UQCRB: variants seen among roughly 807,000 people sequenced by gnomAD.
UQCRB encodes cytochrome b-c1 complex subunit 7.
UQCRB carries 12 observed loss-of-function variants against 19.8 expected under a neutral mutation model. The observed-to-expected ratio is 0.61, with a 90% CI of 0.39 to 0.98. The LOEUF (loss-of-function observed/expected upper bound fraction) is 0.98, where lower values mean the gene tolerates loss of function less well. UQCRB is among the 50% of genes least tolerant of loss of function. UQCRB has a pLI of 0.00. For synonymous variants in UQCRB, 39 were observed against 42.9 expected (o/e 0.91, Z 0.35); for missense variants, 142 against 131.8 (o/e 1.08, Z -0.38).
Position 96,235,195 on chromosome 8 carries a change from C to G in UQCRB, c.19+317G>C, listed in dbSNP as rs950304833. 3 of 527,798 alleles carry G rather than the reference C, an allele frequency of 5.7e-6. No individual in the cohort carries two copies. The Admixed American group carries it at 9.5e-5, about 17-fold the overall frequency. The allele number at this position is 527,798 out of a possible 1,614,324, so 32.7% of individuals were successfully genotyped here. On this transcript the variant is annotated intron_variant, in intron 1 of 3. Coordinates refer to ENST00000287022, the MANE Select transcript of UQCRB (RefSeq NM_006294.5). The stretch of plus-strand genomic sequence containing the variant: ...GGGTTGAAAGTCATCCACTAGTTAT[C>G]CTCTTGTGCCCTTTAACTTTTCTAA...
In UQCRB at chr8:96,229,722, A is replaced by T. The variant is rs1381704295; in HGVS notation, c.*1333T>A. 1 of 453,786 alleles carries T rather than the reference A, an allele frequency of 2.2e-6. No homozygotes were observed. The highest frequency in any genetic ancestry group is 2.4e-5 in the Admixed American group (1 of 42,532). The allele number at this position is 453,786 out of a possible 1,614,324, so 28.1% of individuals were successfully genotyped here. A position where few individuals can be genotyped will look rare whatever the true frequency, so the allele number is the denominator to read the frequency against. Reference sequence around the variant, plus strand: ...TCTTCAACCATACAAAAGAAAATTGACATGATTTCAGGATAGGTTTAGAAA... The same window carrying T: ...TCTTCAACCATACAAAAGAAAATTGTCATGATTTCAGGATAGGTTTAGAAA... On this transcript the variant is annotated 3_prime_UTR_variant, in exon 4 of 4. Coordinates refer to ENST00000287022, the MANE Select transcript of UQCRB (RefSeq NM_006294.5).
At chr8:96,233,441 T>A (rs1809723934) in intron 1 of UQCRB, 1 of 525,898 alleles carries the variant, frequency 1.9e-6, no homozygotes, top group Admixed American at 3.5e-5. Flanking sequence ...TGATAAAAAG[T>A]GCTTATTTTA....
In UQCRB at chr8:96,229,043, T is replaced by C. The variant is rs1441687405; in HGVS notation, c.*2012A>G. ...TGAGCCAAATACTAGATCTACTTTC[T>C]TAGTCTTCATAACAAGCAGGACGAT... On this transcript the variant is annotated 3_prime_UTR_variant, in exon 4 of 4. Coordinates refer to ENST00000287022, the MANE Select transcript of UQCRB (RefSeq NM_006294.5). The C allele has an allele frequency of 2.2e-6, 1 of 454,126 alleles. No individual in the cohort carries two copies. 28.1% of individuals were successfully genotyped at this position (454,126 alleles called of 1,614,324 possible). A position where few individuals can be genotyped will look rare whatever the true frequency, so the allele number is the denominator to read the frequency against.
intron 1 of UQCRB, 39 bp downstream of exon 1, chr8:96,235,473 G>A (rs1354964452): frequency 6.2e-7 from 1 of 1,614,172 alleles, no homozygotes; most frequent in African/African-American, 1.3e-5. Context: ...AAACGGTGAA[G>A]CGCGACGATG....
At position 96,228,786 on chromosome 8, in the gene UQCRB, A is replaced by C. The variant is rs559792281; in HGVS notation, c.*2269T>G. ...TGAGCAAATAGATTCAGACCTGTGCAGTCTAACCCAGAATTAGCTCTGAAT... is the reference window on the plus strand; with the variant it reads ...TGAGCAAATAGATTCAGACCTGTGCCGTCTAACCCAGAATTAGCTCTGAAT... On this transcript the variant is annotated 3_prime_UTR_variant, in exon 4 of 4. Coordinates refer to ENST00000287022, the MANE Select transcript of UQCRB (RefSeq NM_006294.5). 4 of 454,130 alleles carry C rather than the reference A, an allele frequency of 8.8e-6. No homozygotes were observed. The highest frequency in any genetic ancestry group is 1.8e-5 in the Non-Finnish European group (4 of 226,796). 28.1% of individuals were successfully genotyped at this position (454,130 alleles called of 1,614,324 possible). A position where few individuals can be genotyped will look rare whatever the true frequency, so the allele number is the denominator to read the frequency against.
chr8:96,230,949 C>T lies in UQCRB; in HGVS notation c.*106G>A. ...CAAAAACTCCAGCCATTACAATAGA[C>T]ATTTATTTAAAGTAAAACATCTTCA... On this transcript the variant is annotated 3_prime_UTR_variant, in exon 4 of 4. Transcript: ENST00000287022. 2 of 1,178,584 alleles carry T rather than the reference C, an allele frequency of 1.7e-6. No individual in the cohort carries two copies. Among genetic ancestry groups the T allele is most frequent in the Admixed American group, 1.7e-5 (1 of 58,360 alleles). 73.0% of individuals were successfully genotyped at this position (1,178,584 alleles called of 1,614,324 possible).
At chr8:96,233,110 G>C (rs774198353) in intron 2 of UQCRB, 46 bp downstream of exon 2, 8 of 1,520,072 alleles carry the variant, frequency 5.3e-6, no homozygotes, top group Non-Finnish European at 7.2e-6. Context: ...AAAAAACAAA[G>C]AAACAACAAC....
chr8:96,235,346 A>G (rs964132764), intron 1 of UQCRB, 166 bp downstream of exon 1: 2 of 1,040,318 alleles, frequency 1.9e-6, no homozygotes, highest in Non-Finnish European at 3.0e-6. Context: ...CCCTGGGGAC[A>G]GCAAACGAGT....
chr8:96,233,472 C>T, intron 1 of UQCRB: 1 of 466,606 alleles, frequency 2.1e-6, no homozygotes, highest in Non-Finnish European at 3.8e-6. Context: ...AAAGTGGTTG[C>T]AGGAAAATGG....
rs1162653916 is a variant in UQCRB, at chr8:96,235,267, C to G, written c.19+245G>C. 7 of 613,626 alleles carry G rather than the reference C, an allele frequency of 1.1e-5. No individual in the cohort carries two copies. In the East Asian group the frequency reaches 1.9e-4, roughly 17 times the overall value. 38.0% of individuals were successfully genotyped at this position (613,626 alleles called of 1,614,324 possible). On this transcript the variant is annotated intron_variant, in intron 1 of 3. Transcript: ENST00000287022. Reference sequence around the variant, plus strand: ...AGCACGGGCAGCTGGAACTCCAGGGCTGTCAGAGCCACCGCGGGCACCTTC... The same window carrying G: ...AGCACGGGCAGCTGGAACTCCAGGGGTGTCAGAGCCACCGCGGGCACCTTC...
rs927683244 is a variant in UQCRB, at chr8:96,225,811, C to T, written c.*5244G>A. The T allele has an allele frequency of 1.3e-5, 2 of 152,074 alleles. No homozygotes were observed. Among genetic ancestry groups the T allele is most frequent in the Non-Finnish European group, 1.5e-5 (1 of 68,010 alleles). The allele number at this position is 152,074 out of a possible 1,614,324, so 9.4% of individuals were successfully genotyped here. ...GTACATATTTTTTGTGGACAATTCA[C>T]ACAGTATGTACATCTATGTTTACAT... On this transcript the variant is annotated 3_prime_UTR_variant, in exon 4 of 4. Coordinates refer to ENST00000287022, the MANE Select transcript of UQCRB (RefSeq NM_006294.5).
intron 1 of UQCRB, 152 bp from the exon 2 acceptor site, chr8:96,233,379 T>G (rs1809722097): frequency 1.6e-6 from 1 of 635,310 alleles, no homozygotes; most frequent in African/African-American, 1.9e-5. Context: ...CAGCAAGAAT[T>G]TAATCAAAAG....
chr8:96,231,707 T>C (rs1482327257), intron 3 of UQCRB, 67 bp downstream of exon 3: 5 of 1,597,178 alleles, frequency 3.1e-6, no homozygotes, highest in East Asian at 2.2e-5. Context: ...CAAATGAACA[T>C]GTTTCTCTTG....
In UQCRB at chr8:96,227,697, T is replaced by C. The variant is rs1255172282; in HGVS notation, c.*3358A>G. ...CCATATTTTTAAAACTCCATCCTATTTGTGAAGGATTATTACTTTGGGCTT... is the reference window on the plus strand; with the variant it reads ...CCATATTTTTAAAACTCCATCCTATCTGTGAAGGATTATTACTTTGGGCTT... On this transcript the variant is annotated 3_prime_UTR_variant, in exon 4 of 4. Coordinates refer to ENST00000287022, the MANE Select transcript of UQCRB (RefSeq NM_006294.5). The C allele has an allele frequency of 4.4e-6, 2 of 453,762 alleles. No homozygotes were observed. The highest frequency in any genetic ancestry group is 4.0e-5 in the African/African-American group (2 of 49,980). 28.1% of individuals were successfully genotyped at this position (453,762 alleles called of 1,614,324 possible). A position where few individuals can be genotyped will look rare whatever the true frequency, so the allele number is the denominator to read the frequency against.
Position 96,230,049 on chromosome 8 carries a change from A to C in UQCRB, c.*1006T>G. On this transcript the variant is annotated 3_prime_UTR_variant, in exon 4 of 4. Transcript: ENST00000287022. Reference sequence around the variant, plus strand: ...ACCTCTACCAAAGAAAGCATTTCAGAATTTAGGAGTGGAAATGATGACAAC... The same window carrying C: ...ACCTCTACCAAAGAAAGCATTTCAGCATTTAGGAGTGGAAATGATGACAAC... 2.2e-6 allele frequency: 1 copy of C among 454,098 alleles called. No individual in the cohort carries two copies. The highest frequency in any genetic ancestry group is 4.4e-6 in the Non-Finnish European group (1 of 226,796). 28.1% of individuals were successfully genotyped at this position (454,098 alleles called of 1,614,324 possible). A position where few individuals can be genotyped will look rare whatever the true frequency, so the allele number is the denominator to read the frequency against.
rs1386051503 is a variant in UQCRB at position 96,230,226 on chromosome 8, C to A, written c.*829G>T. 2.3e-6 allele frequency: 1 copy of A among 441,844 alleles called. No homozygotes were observed. Among genetic ancestry groups the A allele is most frequent in the South Asian group, 1.6e-5 (1 of 63,062 alleles). The allele number at this position is 441,844 out of a possible 1,614,324, so 27.4% of individuals were successfully genotyped here. A position where few individuals can be genotyped will look rare whatever the true frequency, so the allele number is the denominator to read the frequency against. ...GAGTAGCTGGGATTACAGGTGCCTA[C>A]CATCACGCCTAGCTAATTTTTTGTA... On this transcript the variant is annotated 3_prime_UTR_variant, in exon 4 of 4. Coordinates refer to ENST00000287022, the MANE Select transcript of UQCRB (RefSeq NM_006294.5).
intron 1 of UQCRB, 91 bp downstream of exon 1, chr8:96,235,421 C>G: frequency 2.5e-6 from 4 of 1,588,534 alleles, no homozygotes; most frequent in Non-Finnish European, 3.5e-6. Flanking sequence ...AACTTGGCCA[C>G]TTACAAAGAA....
At position 96,226,771 on chromosome 8, in the gene UQCRB, A is replaced by G. The variant is rs1217401135; in HGVS notation, c.*4284T>C. ...TGTATTCAAACAAAAAGTTCAATAA[A>G]TAATACACTCTTTCTTTGTAGGAGA... On this transcript the variant is annotated 3_prime_UTR_variant, in exon 4 of 4. Coordinates refer to ENST00000287022, the MANE Select transcript of UQCRB (RefSeq NM_006294.5). The G allele has an allele frequency of 9.6e-6, 4 of 418,642 alleles. No homozygotes were observed. Among genetic ancestry groups the G allele is most frequent in the African/African-American group, 4.2e-5 (2 of 47,968 alleles). 25.9% of individuals were successfully genotyped at this position (418,642 alleles called of 1,614,324 possible).
At position 96,223,963 on chromosome 8, in the gene UQCRB, A is replaced by G. The variant is rs2129764209; in HGVS notation, c.*7092T>C. On this transcript the variant is annotated 3_prime_UTR_variant, in exon 4 of 4. Transcript: ENST00000287022. ...AAGGCCACTCCCTTCAACTGGAACTAGTGTGGTCTCCTGGAGTCTGACTCT... is the reference window on the plus strand; with the variant it reads ...AAGGCCACTCCCTTCAACTGGAACTGGTGTGGTCTCCTGGAGTCTGACTCT... Among the ~76,000 whole-genome samples, 1 of 152,292 alleles carries G rather than the reference A, an allele frequency of 6.6e-6. No individual in the cohort carries two copies. The highest frequency in any genetic ancestry group is 1.9e-4 in the East Asian group (1 of 5,176).
Sources: gnomAD v4.1 joint callset for allele counts (sites outside exome capture counted in the v4.1 genomes callset) on GRCh38, gnomAD v4.1.1 for gene constraint, MANE v1.5 for transcripts, NCBI Gene and HGNC (gene_info 2026-07-23, HGNC 2026-07-21) for gene names.